The following ODF2L variants were observed in gnomAD, a reference collection of about 807,000 sequenced individuals.
ODF2L encodes outer dense fiber of sperm tails 2 like, also known as protein BCAP.
Under a neutral mutation model 86.3 loss-of-function variants are expected in ODF2L, and 76 were observed. The ratio of observed to expected loss-of-function variants is 0.88; its 90% confidence interval spans 0.73 to 1.07. ODF2L has a LOEUF of 1.07. ODF2L is among the 50% of genes least tolerant of loss of function. The probability of loss-of-function intolerance (pLI) is 0.00; values close to 1 mark genes in which losing one functional copy is unlikely to be tolerated. For missense variants in ODF2L, 748 were observed against 717.4 expected, an observed-to-expected ratio of 1.04 and a Z score of -0.49; for synonymous variants, 241 against 231.3, an observed-to-expected ratio of 1.04 and a Z score of -0.38.
chr1:86,361,556 T>C (rs576156160), intron 11 of ODF2L, among the ~76,000 whole-genome samples: 59 of 152,318 alleles, frequency 3.9e-4, no homozygotes, highest in African/African-American at 1.3e-3. Context: ...AAAAAATGTG[T>C]GTGCGTGTAT....
At chr1:86,380,068 C>G (rs1660459423) in intron 7 of ODF2L, among the ~76,000 whole-genome samples, 1 of 152,084 alleles carries the variant, frequency 6.6e-6, no homozygotes, top group African/African-American at 2.4e-5. Flanking sequence ...ATTTTCAAAA[C>G]CTGTGTAATA....
rs182748130 is a variant in ODF2L at position 86,381,042 on chromosome 1, T to C, written c.624+1200A>G. ...ACTAAATTCTGAACCCCTTAATCAC[T>C]TAATGCCTTAAATCCAAAAGTGTGT... On this transcript the variant is annotated intron_variant, in intron 7 of 17. Transcript: ENST00000317336. Among the ~76,000 whole-genome samples, 479 of 152,032 alleles carry C rather than the reference T, an allele frequency of 3.2e-3. 1 individual carries two copies. Among genetic ancestry groups the C allele is most frequent in the African/African-American group, 0.011 (443 of 41,514 alleles).
chr1:86,380,537 T>C (rs1326376205), intron 7 of ODF2L, among the ~76,000 whole-genome samples: 1 of 152,166 alleles, frequency 6.6e-6, no homozygotes, highest in Non-Finnish European at 1.5e-5. Context: ...AAATTTTCTT[T>C]TTGAACATAG....
At chr1:86,353,467 A>T (rs1658301082) in intron 16 of ODF2L, among the ~76,000 whole-genome samples, 1 of 152,062 alleles carries the variant, frequency 6.6e-6, no homozygotes, top group Non-Finnish European at 1.5e-5. Context: ...TCACTTCCAA[A>T]CTGGTCTGAA....
At chr1:86,391,428 C>G (rs1169855187) in intron 1 of ODF2L, among the ~76,000 whole-genome samples, 2 of 152,136 alleles carry the variant, frequency 1.3e-5, no homozygotes, top group African/African-American at 2.4e-5. Context: ...TCAAACTATA[C>G]TATAAGGCCA....
chr1:86,372,322 A>T, intron 9 of ODF2L, 109 bp downstream of exon 9: 1 of 464,104 alleles, frequency 2.2e-6, no homozygotes. Flanking sequence ...TATAGGTAGC[A>T]CCTTTACCAT....
exon 18 of ODF2L, chr1:86,352,169 T>C (rs775029429): frequency 3.9e-6 from 6 of 1,521,438 alleles, no homozygotes; most frequent in South Asian, 3.8e-5. Context: ...TTTTAGACAC[T>C]TGGGAATTAA....
intron 7 of ODF2L, among the ~76,000 whole-genome samples, chr1:86,378,058 C>T (rs1660299913): frequency 1.3e-5 from 2 of 152,190 alleles, no homozygotes; most frequent in African/African-American, 4.8e-5. Flanking sequence ...TCTGTGAATG[C>T]ATAAAACTGA....
intron 1 of ODF2L, among the ~76,000 whole-genome samples, chr1:86,389,739 T>G (rs1661186970): frequency 6.6e-6 from 1 of 151,918 alleles, no homozygotes; most frequent in African/African-American, 2.4e-5. Flanking sequence ...ATACAAAAGA[T>G]CACTCAGGCT....
chr1:86,378,398 T>C (rs1381281793), intron 7 of ODF2L, among the ~76,000 whole-genome samples: 2 of 152,218 alleles, frequency 1.3e-5, no homozygotes, highest in African/African-American at 4.8e-5. Context: ...TCCAAACTGT[T>C]CTAACCTCTG....
At chr1:86,368,896 TTA>T (rs1268690816) in intron 10 of ODF2L, among the ~76,000 whole-genome samples, 1 of 152,112 alleles carries the variant, frequency 6.6e-6, no homozygotes, top group Non-Finnish European at 1.5e-5. Flanking sequence ...TATAAAGAAT[TTA>T]TATGTTATAT....
chr1:86,362,068 G>A (rs528044577), intron 11 of ODF2L, among the ~76,000 whole-genome samples: 2 of 152,134 alleles, frequency 1.3e-5, no homozygotes, highest in African/African-American at 2.4e-5. Context: ...AGACAACAGC[G>A]GGAGGCGGCC....
chr1:86,356,835 T>C (rs755236731), intron 13 of ODF2L, among the ~76,000 whole-genome samples: 2 of 152,180 alleles, frequency 1.3e-5, no homozygotes, highest in Non-Finnish European at 2.9e-5. Context: ...GTAAATTAGC[T>C]GACAGGGTGG....
intron 8 of ODF2L, among the ~76,000 whole-genome samples, chr1:86,372,840 A>C (rs11161806): frequency 0.33 from 49,898 of 152,134 alleles, 8,406 homozygotes; most frequent in East Asian, 0.53. Flanking sequence ...AGTTGGAGAC[A>C]GCTATTATAA....
At chr1:86,389,564 GAAA>G (rs66716003) in intron 1 of ODF2L, among the ~76,000 whole-genome samples, 3 of 122,012 alleles carry the variant, frequency 2.5e-5, no homozygotes, top group African/African-American at 6.1e-5. Context: ...AAATGAAACT[GAAA>G]AAAAAAAAAA....
chr1:86,354,974 A>G, intron 14 of ODF2L, 115 bp from the exon 14 acceptor site: 1 of 604,764 alleles, frequency 1.7e-6, no homozygotes, highest in South Asian at 2.2e-5. Context: ...AAATGTTACT[A>G]CTCTTACACA....
At chr1:86,392,408 C>G (rs892006170) in intron 1 of ODF2L, among the ~76,000 whole-genome samples, 3 of 151,818 alleles carry the variant, frequency 2.0e-5, no homozygotes, top group African/African-American at 7.3e-5. Flanking sequence ...ACACAATGTC[C>G]ATCAAACAAT....
chr1:86,394,164 TTAAA>T (rs1449144868), intron 1 of ODF2L, among the ~76,000 whole-genome samples: 4 of 152,030 alleles, frequency 2.6e-5, no homozygotes, highest in Admixed American at 6.6e-5. Context: ...CTTAGAAGGG[TTAAA>T]TAGCTTGTCC....
intron 11 of ODF2L, among the ~76,000 whole-genome samples, chr1:86,362,549 C>G (rs551172524): frequency 6.6e-6 from 1 of 152,160 alleles, no homozygotes; most frequent in Non-Finnish European, 1.5e-5. Flanking sequence ...CATTGCCTTC[C>G]TGAAGTTGCA....
Sources: gnomAD v4.1 joint callset for allele counts (sites outside exome capture counted in the v4.1 genomes callset) on GRCh38, gnomAD v4.1.1 for gene constraint, MANE v1.5 for transcripts, NCBI Gene and HGNC (gene_info 2026-07-23, HGNC 2026-07-21) for gene names.